DCAF15: variants seen among roughly 807,000 people sequenced by gnomAD.
DCAF15 encodes DDB1- and CUL4-associated factor 15.
Under a neutral mutation model 68.0 loss-of-function variants are expected in DCAF15, and 24 were observed. The ratio of observed to expected loss-of-function variants is 0.35; its 90% CI spans 0.26 to 0.50. The LOEUF is 0.50. Ranked by LOEUF, DCAF15 falls within the 20% of genes least tolerant of loss-of-function variation. The probability of loss-of-function intolerance (pLI) is 0.98; values close to 1 mark genes in which losing one functional copy is unlikely to be tolerated. For synonymous variants in DCAF15, 376 were observed against 341.6 expected (o/e 1.10, Z -1.11); for missense variants, 627 against 830.6 (o/e 0.75, Z 3.01).
Position 13,959,784 on chromosome 19 carries a change from G to A in DCAF15, c.1329G>A (p.Val443=). 2 of 1,613,688 alleles carry A rather than the reference G, an allele frequency of 1.2e-6. No individual in the cohort carries two copies. The highest frequency in any genetic ancestry group is 2.2e-5 in the South Asian group (2 of 91,078). Residue 443 remains valine (V), a synonymous_variant, in exon 9 of 13, where the codon GTG becomes GTA. Coordinates refer to ENST00000254337, the MANE Select transcript of DCAF15 (RefSeq NM_138353.4). Reference sequence around the variant, plus strand: ...ACCCGCAGGGCCAGTACCTGACAGTGGAGCAGCTCACACTAGACTTCGAAT... The same window carrying A: ...ACCCGCAGGGCCAGTACCTGACAGTAGAGCAGCTCACACTAGACTTCGAAT... ...RTAVQGQYLT[V]EQLTLDFEYV...
At chr19:13,960,857 G>A in intron 12 of DCAF15, 83 bp from the exon 13 acceptor site, 1 of 1,575,260 alleles carries the variant, frequency 6.3e-7, no homozygotes. Context: ...AACCTTCTGG[G>A]CCAGAAGCAA....
At position 13,959,255 on chromosome 19, in the gene DCAF15, A is replaced by G. The variant is rs776396428; in HGVS notation, c.995A>G (p.Lys332Arg). The change falls in exon 7 of 13, where the codon AAA (lysine) becomes AGA (arginine). Residue 332 changes from lysine (K) to arginine (R), a missense_variant. Transcript: ENST00000254337. ...GTGGCTGACATCTTCCGCCGGGCCA[A>G]AGAGGCCAAGGGCGGGGTCCCTGAG... ...EFVADIFRRA[K>R]EAKGGVPEEA... The G allele has an allele frequency of 1.2e-6, 2 of 1,612,366 alleles. No homozygotes were observed. Among genetic ancestry groups the G allele is most frequent in the East Asian group, 4.5e-5 (2 of 44,856 alleles).
At chr19:13,953,042 T>C (rs1317213693) in intron 1 of DCAF15, 4 of 1,497,960 alleles carry the variant, frequency 2.7e-6, no homozygotes. Flanking sequence ...CCCCTGCCGC[T>C]GGCTTTGGGC....
chr19:13,956,208 G>C lies in DCAF15; in HGVS notation c.559G>C (p.Val187Leu). The C allele has an allele frequency of 6.2e-7, 1 of 1,611,938 alleles. No homozygotes were observed. The highest frequency in any genetic ancestry group is 8.5e-7 in the Non-Finnish European group (1 of 1,179,738). ...HRDIYVSTVA[V>L]PPPGRCAACQ... ...TGACATCTACGTCAGCACCGTGGCC[G>C]TGCCACCGCCAGGCCGCTGTGCTGC... Residue 187 changes from valine (V) to leucine (L), a missense_variant, in exon 5 of 13, where the codon GTG becomes CTG. Coordinates refer to ENST00000254337, the MANE Select transcript of DCAF15 (RefSeq NM_138353.4).
Position 13,954,726 on chromosome 19 carries a change from CT to C in DCAF15, c.366+66del, listed in dbSNP as rs879203474. 35 of 1,566,820 alleles carry C rather than the reference CT, an allele frequency of 2.2e-5. No individual in the cohort carries two copies. The South Asian group carries it at 3.9e-4, about 17-fold the overall frequency. On this transcript the variant is annotated intron_variant, in intron 3 of 12. Coordinates refer to ENST00000254337, the MANE Select transcript of DCAF15 (RefSeq NM_138353.4). Reference sequence around the variant, plus strand: ...GTGGTTCAGCAGGTCACAGCAACCTCTGAGCCTCAGGTTCCTTGGGTGTAAA... The same window carrying C: ...GTGGTTCAGCAGGTCACAGCAACCTCGAGCCTCAGGTTCCTTGGGTGTAAA...
In DCAF15 at chr19:13,961,204, A is replaced by G. The variant is rs1599465369; in HGVS notation, c.*209A>G. ...ATGCCTATTTAAGTTGGGAAGGGGC[A>G]GAGAGAGGGCGCCCCCTGCCCCACC... On this transcript the variant is annotated 3_prime_UTR_variant, in exon 13 of 13. Coordinates refer to ENST00000254337, the MANE Select transcript of DCAF15 (RefSeq NM_138353.4). 1.6e-6 allele frequency: 1 copy of G among 626,298 alleles called. No individual in the cohort carries two copies. 38.8% of individuals were successfully genotyped at this position (626,298 alleles called of 1,614,324 possible). A position where few individuals can be genotyped will look rare whatever the true frequency, so the allele number is the denominator to read the frequency against.
chr19:13,957,724 C>CA (rs1245227652), intron 6 of DCAF15, among the ~76,000 whole-genome samples: 1 of 152,138 alleles, frequency 6.6e-6, no homozygotes, highest in Non-Finnish European at 1.5e-5. Flanking sequence ...GTGTGGCCAA[C>CA]ACGGTGAAAC....
chr19:13,953,365 G>C (rs373710771), intron 1 of DCAF15: 2 of 491,674 alleles, frequency 4.1e-6, no homozygotes, highest in South Asian at 5.0e-5. Context: ...CGCCTTCTCC[G>C]TGAGGCTGGT....
chr19:13,955,882 C>T, intron 3 of DCAF15, 30 bp from the exon 4 acceptor site: 1 of 1,610,790 alleles, frequency 6.2e-7, no homozygotes, highest in Non-Finnish European at 8.5e-7. Flanking sequence ...GTTTCCCTGA[C>T]CCGGTGCTGC....
Position 13,959,336 on chromosome 19 carries a change from C to G in DCAF15, c.1076C>G (p.Ser359Cys), listed in dbSNP as rs373679058. The stretch of plus-strand genomic sequence containing the variant: ...TCTGGCAGCCGCTGCCGTGCGCACT[C>G]TGAGCCCCTAGCCCTGTGTGGAGAG... Reference protein sequence around the residue: ...GPSGSRCRAHSEPLALCGETA... With the variant: ...GPSGSRCRAHCEPLALCGETA... The change falls in exon 7 of 13, where the codon TCT (serine) becomes TGT (cysteine). Residue 359 changes from serine (S) to cysteine (C), a missense_variant. Around this residue, in one of 3 missense-constraint regions of DCAF15, gnomAD observed 236 missense variants for 225.1 expected, o/e 1.05. Coordinates refer to ENST00000254337, the MANE Select transcript of DCAF15 (RefSeq NM_138353.4). 8 of 1,606,238 alleles carry G rather than the reference C, an allele frequency of 5.0e-6. No individual in the cohort carries two copies. The highest frequency in any genetic ancestry group is 6.8e-6 in the Non-Finnish European group (8 of 1,179,746).
Position 13,954,622 on chromosome 19 carries a change from G to A in DCAF15, c.327G>A (p.Leu109=), listed in dbSNP as rs1973271322. Residue 109 remains leucine, a synonymous_variant, in exon 3 of 13, where the codon CTG becomes CTA. Coordinates refer to ENST00000254337, the MANE Select transcript of DCAF15 (RefSeq NM_138353.4). ...ACTTCTCCTTCTACATCTACCATCT[G>A]TACTGGTGGGAGTTCAACGTTCACA... is the stretch of plus-strand genomic sequence containing the variant. ...DDDFSFYIYH[L]YWWEFNVHSK... is the part of the protein sequence containing the mutation. 2 of 1,614,180 alleles carry A rather than the reference G, an allele frequency of 1.2e-6. No individual in the cohort carries two copies. The highest frequency in any genetic ancestry group is 1.1e-5 in the South Asian group (1 of 91,088).
intron 3 of DCAF15, 89 bp downstream of exon 3, chr19:13,954,750 A>G: frequency 7.1e-7 from 1 of 1,413,500 alleles, no homozygotes; most frequent in Non-Finnish European, 9.9e-7. Flanking sequence ...CCTTGGGTGT[A>G]AAATGATCAT....
chr19:13,959,720 C>A (rs761109796), intron 8 of DCAF15, 47 bp downstream of exon 8: 1 of 1,612,522 alleles, frequency 6.2e-7, no homozygotes, highest in Non-Finnish European at 8.5e-7. Flanking sequence ...GGGGAGCTGC[C>A]GGGGGGCAGT....
chr19:13,955,737 G>A (rs1310642972), intron 3 of DCAF15, among the ~76,000 whole-genome samples, 175 bp from the exon 4 acceptor site: 2 of 152,168 alleles, frequency 1.3e-5, no homozygotes, highest in East Asian at 1.9e-4. Context: ...TGGTCTCCCC[G>A]ACTGGTGAAA....
In DCAF15 at chr19:13,961,034, G is replaced by A. The variant is rs761479054; in HGVS notation, c.*39G>A. On this transcript the variant is annotated 3_prime_UTR_variant, in exon 13 of 13. Coordinates refer to ENST00000254337, the MANE Select transcript of DCAF15 (RefSeq NM_138353.4). ...CCGGACACTGACTCCAACTACCTCC[G>A]TGGCCTGGGACCGGCCCCCTTCCTG... 10 of 1,612,156 alleles carry A rather than the reference G, an allele frequency of 6.2e-6. No homozygotes were observed. The highest frequency in any genetic ancestry group is 1.1e-5 in the South Asian group (1 of 91,056).
chr19:13,956,296 C>T, intron 5 of DCAF15, 34 bp downstream of exon 5: 2 of 1,611,514 alleles, frequency 1.2e-6, no homozygotes. Context: ...GCCTCTTCCC[C>T]CCTCCCCCCC....
Position 13,961,445 on chromosome 19 carries a change from C to T in DCAF15, c.*450C>T, listed in dbSNP as rs185272661. 2.5e-4 allele frequency: 44 copies of T among 178,408 alleles called. No individual in the cohort carries two copies. Among genetic ancestry groups the T allele is most frequent in the Admixed American group, 8.3e-4 (15 of 18,034 alleles). 11.1% of individuals were successfully genotyped at this position (178,408 alleles called of 1,614,324 possible). On this transcript the variant is annotated 3_prime_UTR_variant, in exon 13 of 13. Coordinates refer to ENST00000254337, the MANE Select transcript of DCAF15 (RefSeq NM_138353.4). ...TGTAATAAATGTTTTAATTTCTGAA[C>T]CTCATTGAGGTCCTGTCACTGCAGC...
chr19:13,954,728 G>A, intron 3 of DCAF15, 67 bp downstream of exon 3: 1 of 1,559,986 alleles, frequency 6.4e-7, no homozygotes. Context: ...AGCAACCTCT[G>A]AGCCTCAGGT....
In DCAF15 at chr19:13,955,833, A is replaced by T. The variant is rs1599460811; in HGVS notation, c.367-79A>T. ...TCCTACCCGCTCAGCCCCAGCCCTG[A>T]TGAGGGACTGCATCGTACAGCTTCG... On this transcript the variant is annotated intron_variant, in intron 3 of 12. Coordinates refer to ENST00000254337, the MANE Select transcript of DCAF15 (RefSeq NM_138353.4). The T allele has an allele frequency of 2.2e-5, 32 of 1,462,500 alleles. No individual in the cohort carries two copies. In the East Asian group the frequency reaches 7.0e-4, roughly 32 times the overall value. 90.6% of individuals were successfully genotyped at this position (1,462,500 alleles called of 1,614,324 possible).
Sources: allele counts gnomAD v4.1 joint callset (sites outside exome capture counted in the v4.1 genomes callset), GRCh38; gene constraint gnomAD v4.1.1; regional missense constraint gnomAD v4.1.1; transcripts MANE v1.5; gene names NCBI Gene and HGNC (gene_info 2026-07-23, HGNC 2026-07-21).